PDE7A: variants seen among roughly 807,000 people sequenced by gnomAD.
PDE7A encodes high affinity 3',5'-cyclic-AMP phosphodiesterase 7A.
PDE7A carries 39 observed loss-of-function variants against 64.3 expected under a neutral mutation model. The ratio of observed to expected loss-of-function variants is 0.61; its 90% CI spans 0.47 to 0.79. PDE7A has a LOEUF of 0.79. Among genes scored for constraint, PDE7A ranks in the 30% least tolerant of loss-of-function variants. The pLI is 0.00. For synonymous variants in PDE7A, 203 were observed against 206.8 expected, an observed-to-expected ratio of 0.98 and a Z score of 0.16; for missense variants, 470 against 582.8, an observed-to-expected ratio of 0.81 and a Z score of 1.99.
chr8:65,822,199 G>A (rs925190204), intron 1 of PDE7A, among the ~76,000 whole-genome samples: 1 of 152,188 alleles, frequency 6.6e-6, no homozygotes, highest in African/African-American at 2.4e-5. Context: ...TTAAGGGGCT[G>A]GAAACCTGCC....
chr8:65,757,687 G>C (rs1808301074), intron 3 of PDE7A, among the ~76,000 whole-genome samples: 1 of 152,074 alleles, frequency 6.6e-6, no homozygotes, highest in Non-Finnish European at 1.5e-5. Context: ...GGCATGATCT[G>C]GGCTCACTGC....
At chr8:65,747,271 C>G (rs1807716126) in intron 4 of PDE7A, among the ~76,000 whole-genome samples, 1 of 152,192 alleles carries the variant, frequency 6.6e-6, no homozygotes, top group Non-Finnish European at 1.5e-5. Flanking sequence ...TGGGCGCAAA[C>G]AAGTCCCTCG....
At chr8:65,739,636 C>G (rs1302429592) in intron 5 of PDE7A, 39 bp from the exon 6 acceptor site, 19 of 1,431,594 alleles carry the variant, frequency 1.3e-5, no homozygotes, top group Non-Finnish European at 1.8e-5. Context: ...GTAGGAAATA[C>G]AAGTCAACAC....
chr8:65,791,789 ATCAC>A (rs1414960994), intron 1 of PDE7A, among the ~76,000 whole-genome samples: 1 of 152,252 alleles, frequency 6.6e-6, no homozygotes, highest in African/African-American at 2.4e-5. Context: ...ACACATTTAC[ATCAC>A]TCAAATCTTA....
intron 1 of PDE7A, among the ~76,000 whole-genome samples, chr8:65,827,780 C>A (rs1010013971): frequency 6.6e-6 from 1 of 152,156 alleles, no homozygotes; most frequent in Non-Finnish European, 1.5e-5. Flanking sequence ...ACCACACAGC[C>A]TAGGTGTGTG....
intron 3 of PDE7A, among the ~76,000 whole-genome samples, chr8:65,767,954 G>T (rs1198154625): frequency 6.6e-6 from 1 of 152,184 alleles, no homozygotes; most frequent in Non-Finnish European, 1.5e-5. Context: ...ACTTGTGACT[G>T]GTGTCTGGGT....
chr8:65,735,375 C>T (rs544208043), intron 6 of PDE7A, among the ~76,000 whole-genome samples: 2 of 152,216 alleles, frequency 1.3e-5, no homozygotes, highest in African/African-American at 4.8e-5. Context: ...GTGACATGAT[C>T]ATGGCTCATT....
intron 7 of PDE7A, among the ~76,000 whole-genome samples, chr8:65,732,803 G>A (rs781359373): frequency 1.8e-4 from 27 of 152,120 alleles, no homozygotes; most frequent in Non-Finnish European, 2.5e-4. Context: ...ATGAGCCACC[G>A]CACTTGGACC....
At chr8:65,760,899 G>T (rs898953186) in intron 3 of PDE7A, among the ~76,000 whole-genome samples, 7 of 150,442 alleles carry the variant, frequency 4.7e-5, no homozygotes, top group African/African-American at 1.7e-4. Context: ...ATATCAAGCT[G>T]AATAATTAAC....
chr8:65,743,765 T>A (rs546790114), intron 5 of PDE7A, among the ~76,000 whole-genome samples: 1 of 152,208 alleles, frequency 6.6e-6, no homozygotes, highest in African/African-American at 2.4e-5. Flanking sequence ...CAGCAGTGAT[T>A]TCATTATTCT....
At chr8:65,793,308 T>C (rs1021186327) in intron 1 of PDE7A, among the ~76,000 whole-genome samples, 5 of 152,134 alleles carry the variant, frequency 3.3e-5, no homozygotes, top group African/African-American at 7.2e-5. Context: ...GAAAAACATA[T>C]AGCAAATCTG....
At chr8:65,770,053 T>C (rs1809002679) in intron 3 of PDE7A, among the ~76,000 whole-genome samples, 1 of 152,032 alleles carries the variant, frequency 6.6e-6, no homozygotes, top group Non-Finnish European at 1.5e-5. Flanking sequence ...CAAAAATAAA[T>C]AGTATAAAGA....
intron 3 of PDE7A, among the ~76,000 whole-genome samples, chr8:65,759,877 T>G (rs1385220437): frequency 6.6e-6 from 1 of 152,122 alleles, no homozygotes; most frequent in Non-Finnish European, 1.5e-5. Context: ...TTTTAAGAAT[T>G]ATTTTCTATA....
chr8:65,722,983 A>C (rs1331783388), intron 12 of PDE7A: 1 of 152,382 alleles, frequency 6.6e-6, no homozygotes. Flanking sequence ...GGAAACACAG[A>C]AGCGTCCCGA....
At chr8:65,759,117 C>T (rs1585883471) in intron 3 of PDE7A, among the ~76,000 whole-genome samples, 1 of 152,188 alleles carries the variant, frequency 6.6e-6, no homozygotes. Context: ...TTGCATTTTA[C>T]GTCTTTTCCA....
intron 12 of PDE7A, 104 bp from the exon 13 acceptor site, chr8:65,719,599 C>A (rs1186386432): frequency 1.4e-6 from 1 of 726,416 alleles, no homozygotes; most frequent in Non-Finnish European, 2.4e-6. Context: ...TCCAGTATTA[C>A]CCAGATCTTA....
At chr8:65,831,397 T>C (rs1201557988) in intron 1 of PDE7A, among the ~76,000 whole-genome samples, 1 of 152,168 alleles carries the variant, frequency 6.6e-6, no homozygotes, top group African/African-American at 2.4e-5. Flanking sequence ...CTACCTGGTC[T>C]TTCCAAACTA....
At chr8:65,789,189 T>A in intron 1 of PDE7A, 1 of 537,114 alleles carries the variant, frequency 1.9e-6, no homozygotes, top group Non-Finnish European at 2.9e-6. Flanking sequence ...ACTGCCTAAG[T>A]AATGTTGGAA....
chr8:65,781,042 G>A (rs926581178), intron 2 of PDE7A: 3 of 152,170 alleles, frequency 2.0e-5, no homozygotes, highest in African/African-American at 7.2e-5. Context: ...TTATCTTTTT[G>A]TGTGATGACA....
Sources: gnomAD v4.1 joint callset for allele counts (sites outside exome capture counted in the v4.1 genomes callset) on GRCh38, gnomAD v4.1.1 for gene constraint, MANE v1.5 for transcripts, NCBI Gene and HGNC (gene_info 2026-07-23, HGNC 2026-07-21) for gene names.